Variants in PCYT1A observed in about 807,000 individuals in gnomAD.
PCYT1A encodes choline-phosphate cytidylyltransferase A.
In PCYT1A, 25 loss-of-function variants were observed where a neutral mutation model predicts 43.7. The ratio of observed to expected loss-of-function variants is 0.57; its 90% CI spans 0.42 to 0.80. The LOEUF (loss-of-function observed/expected upper bound fraction) is 0.80, where lower values mean the gene tolerates loss of function less well. Among genes scored for constraint, PCYT1A ranks in the 30% least tolerant of loss-of-function variants. PCYT1A has a pLI of 0.00. For missense variants in PCYT1A, 421 were observed against 474.2 expected (o/e 0.89, Z 1.04); for synonymous variants, 172 against 170.7 (o/e 1.01, Z -0.06).
chr3:196,257,748 A>T (rs1367792443), intron 3 of PCYT1A, 40 bp downstream of exon 3: 1 of 1,251,844 alleles, frequency 8.0e-7, no homozygotes, highest in Non-Finnish European at 1.2e-6. Flanking sequence ...GAATGCTAAA[A>T]ACAATAGTCA....
In PCYT1A at chr3:196,273,710, TC is replaced by T. The variant is rs1227613885; in HGVS notation, c.-10-3170del. 6.6e-6 allele frequency among the ~76,000 whole-genome samples: 1 copy of T among 152,198 alleles called. No individual in the cohort carries two copies. On this transcript the variant is annotated intron_variant, in intron 1 of 8. Transcript: ENST00000431016. This position sits in a 1 kb window ranked among gnomAD's most constrained non-coding sequence, Gnocchi z 4.1. ...ATCAAGTATGGCTGAGTCCAGGGTT[TC>T]TACGGGCTTCAGCGGGCAGGAAGTG...
In PCYT1A at chr3:196,236,540, G is replaced by A. The variant is rs550100082; in HGVS notation, c.*2148C>T. On this transcript the variant is annotated 3_prime_UTR_variant, in exon 9 of 9. Coordinates refer to ENST00000431016, the MANE Select transcript of PCYT1A (RefSeq NM_001312673.2). ...GCTTCAAAGAAGAGTTAGAAATGTC[G>A]TTGTCATAGGCGATCAGGATAACAA... The A allele has an allele frequency of 2.0e-5, 3 of 152,278 alleles. No homozygotes were observed. Among genetic ancestry groups the A allele is most frequent in the South Asian group, 2.1e-4 (1 of 4,824 alleles). The allele number at this position is 152,278 out of a possible 1,614,324, so 9.4% of individuals were successfully genotyped here.
rs1481436343 is a variant in PCYT1A at position 196,257,818 on chromosome 3, T to A, written c.187A>T (p.Thr63Ser). ...VDFSKPYVRVTMEEASRGTPC... is the reference protein window; with the variant it reads ...VDFSKPYVRVSMEEASRGTPC... ...GTTCCTCTGCTGGCTTCTTCCATAG[T>A]TACCCTGACATAGGGCTTACTAAAG... The change falls in exon 3 of 9, where the codon ACT becomes TCT. Residue 63 changes from threonine (T) to serine (S), a missense_variant. By Grantham distance (58) the Thr-to-Ser change is moderately conservative. Around this residue, in one of 3 missense-constraint regions of PCYT1A, gnomAD observed 139 missense variants for 117.7 expected, o/e 1.18. Transcript: ENST00000431016. 6.2e-7 allele frequency: 1 copy of A among 1,611,738 alleles called. No individual in the cohort carries two copies. The highest frequency in any genetic ancestry group is 2.2e-5 in the East Asian group (1 of 44,858).
intron 2 of PCYT1A, among the ~76,000 whole-genome samples, chr3:196,261,055 T>C (rs1192393107): frequency 1.3e-5 from 2 of 152,074 alleles, no homozygotes; most frequent in African/African-American, 4.8e-5. Context: ...CTTGAAAACA[T>C]TATGCCAAAA....
intron 3 of PCYT1A, among the ~76,000 whole-genome samples, chr3:196,257,489 G>C (rs915879688): frequency 6.6e-6 from 1 of 152,162 alleles, no homozygotes; most frequent in Non-Finnish European, 1.5e-5. Context: ...TATAGAAATA[G>C]ATAAGATCAT....
intron 2 of PCYT1A, among the ~76,000 whole-genome samples, chr3:196,266,764 A>G (rs979193027): frequency 1.3e-5 from 2 of 151,368 alleles, no homozygotes; most frequent in African/African-American, 4.9e-5. Context: ...GTGGCGGCGC[A>G]TGCCTGTAGT....
chr3:196,257,860 C>T lies in PCYT1A; in HGVS notation c.145G>A (p.Asp49Asn). The change falls in exon 3 of 9, where the codon GAT becomes AAT. Residue 49 changes from aspartate to asparagine, a missense_variant. Around this residue, in one of 3 missense-constraint regions of PCYT1A, gnomAD observed 139 missense variants for 117.7 expected, o/e 1.18. Coordinates refer to ENST00000431016, the MANE Select transcript of PCYT1A (RefSeq NM_001312673.2). ...VGLRQPAPFS[D>N]EIEVDFSKPY... The stretch of plus-strand genomic sequence containing the variant: ...TTACTAAAGTCAACTTCAATTTCAT[C>T]AGAAAAAGGAGCTGGTTGCCGTAAG... The T allele has an allele frequency of 6.2e-7, 1 of 1,612,180 alleles. No individual in the cohort carries two copies. The highest frequency in any genetic ancestry group is 2.2e-5 in the East Asian group (1 of 44,832).
chr3:196,241,643 G>GT, intron 7 of PCYT1A: 1 of 1,345,062 alleles, frequency 7.4e-7, no homozygotes, highest in South Asian at 1.2e-5. Context: ...TCATCCAACC[G>GT]AAGAAGAGAG....
intron 3 of PCYT1A, among the ~76,000 whole-genome samples, chr3:196,251,094 C>G (rs1724759590): frequency 6.7e-6 from 1 of 149,402 alleles, no homozygotes; most frequent in African/African-American, 2.5e-5. Flanking sequence ...ACCAGATACA[C>G]CATGCTGAGG....
At chr3:196,243,684 C>T (rs936916671) in intron 5 of PCYT1A, among the ~76,000 whole-genome samples, 1 of 152,254 alleles carries the variant, frequency 6.6e-6, no homozygotes, top group African/African-American at 2.4e-5. Context: ...CAGGCGCACG[C>T]CGCCACGCCT....
intron 2 of PCYT1A, among the ~76,000 whole-genome samples, chr3:196,261,310 C>T (rs1397733266): frequency 6.6e-6 from 1 of 152,156 alleles, no homozygotes. Flanking sequence ...GACTTATATA[C>T]TTTAAAATGG....
At chr3:196,245,164 C>T (rs1184132520) in intron 5 of PCYT1A, among the ~76,000 whole-genome samples, 5 of 146,288 alleles carry the variant, frequency 3.4e-5, no homozygotes, top group African/African-American at 7.6e-5. Flanking sequence ...TTTTTTGAGA[C>T]CGAGTCTCGC....
chr3:196,267,589 C>T (rs1725313562), intron 2 of PCYT1A, among the ~76,000 whole-genome samples: 1 of 151,964 alleles, frequency 6.6e-6, no homozygotes, highest in African/African-American at 2.4e-5. Flanking sequence ...TGGTGATGTG[C>T]ACCTATATTC....
At chr3:196,246,765 A>G (rs990297246) in intron 5 of PCYT1A, among the ~76,000 whole-genome samples, 2 of 152,204 alleles carry the variant, frequency 1.3e-5, no homozygotes, top group African/African-American at 4.8e-5. Flanking sequence ...TTCTCAGGAG[A>G]CTGGCATGTT....
At chr3:196,257,402 C>A (rs1401817535) in intron 3 of PCYT1A, among the ~76,000 whole-genome samples, 4 of 152,170 alleles carry the variant, frequency 2.6e-5, no homozygotes, top group African/African-American at 9.7e-5. Flanking sequence ...TCATAGCCAG[C>A]TGACAGAACG....
At chr3:196,260,745 G>A (rs754916621) in intron 2 of PCYT1A, among the ~76,000 whole-genome samples, 31 of 152,298 alleles carry the variant, frequency 2.0e-4, no homozygotes, top group Admixed American at 3.3e-4. Context: ...GGGAGGCTGA[G>A]GCAGAAGAAT....
rs1211861309 is a variant in PCYT1A, at chr3:196,247,320, G to C, written c.486+47C>G. Reference sequence around the variant, plus strand: ...CTACGTGCCAGCAGCTTTGAGAGTTGAGGGGATTCTGAAACAAGGAATGGG... The same window carrying C: ...CTACGTGCCAGCAGCTTTGAGAGTTCAGGGGATTCTGAAACAAGGAATGGG... On this transcript the variant is annotated intron_variant, in intron 5 of 8. Coordinates refer to ENST00000431016, the MANE Select transcript of PCYT1A (RefSeq NM_001312673.2). This position sits in a 1 kb window ranked among gnomAD's most constrained non-coding sequence, Gnocchi z 4.8. 1.2e-6 allele frequency: 2 copies of C among 1,600,114 alleles called. No homozygotes were observed. Among genetic ancestry groups the C allele is most frequent in the Admixed American group, 3.3e-5 (2 of 59,850 alleles).
At position 196,252,906 on chromosome 3, in the gene PCYT1A, A is replaced by C. The variant is rs954374705; in HGVS notation, c.218-4583T>G. ...TGCCAGCATGTGTCAACTAAAAAAA[A>C]AGAAGAAAAAAATATTTTTAAAAAG... On this transcript the variant is annotated intron_variant, in intron 3 of 8. Transcript: ENST00000431016. The surrounding 1 kb of genome is among the most constrained non-coding windows in gnomAD (Gnocchi z 4.0). 7.2e-6 allele frequency among the ~76,000 whole-genome samples: 1 copy of C among 139,736 alleles called. No homozygotes were observed. Among genetic ancestry groups the C allele is most frequent in the Non-Finnish European group, 1.6e-5 (1 of 62,916 alleles). The allele number at this position is 139,736 out of a possible 152,430, so 91.7% of individuals were successfully genotyped here. A position where few individuals can be genotyped will look rare whatever the true frequency, so the allele number is the denominator to read the frequency against.
intron 7 of PCYT1A, 169 bp downstream of exon 7, chr3:196,241,779 A>C (rs1724365335): frequency 1.7e-6 from 2 of 1,179,894 alleles, no homozygotes; most frequent in Non-Finnish European, 2.4e-6. Context: ...AACGGCAGAA[A>C]CTGTCTGTTT....
Sources: allele counts gnomAD v4.1 joint callset (sites outside exome capture counted in the v4.1 genomes callset), GRCh38; gene constraint gnomAD v4.1.1; regional missense constraint gnomAD v4.1.1; non-coding constraint Gnocchi (gnomAD v3.1); transcripts MANE v1.5; gene names NCBI Gene and HGNC (gene_info 2026-07-23, HGNC 2026-07-21).